Variants in ANKRD12 observed in about 807,000 individuals in gnomAD.
The protein encoded by ANKRD12 is ankyrin repeat domain 12.
ANKRD12 carries 85 observed loss-of-function variants against 183.4 expected under a neutral mutation model. The observed-to-expected ratio is 0.46, with a 90% confidence interval of 0.39 to 0.56. ANKRD12 has a LOEUF of 0.56. ANKRD12 is among the 20% of genes least tolerant of loss of function. The pLI is 0.00. For synonymous variants in ANKRD12, 914 were observed against 800.2 expected (o/e 1.14, Z -2.40); for missense variants, 2,405 against 2,357.1 (o/e 1.02, Z -0.42).
At chr18:9,155,702 A>T (rs544933108) in intron 1 of ANKRD12, among the ~76,000 whole-genome samples, 1 of 152,138 alleles carries the variant, frequency 6.6e-6, no homozygotes, top group Admixed American at 6.5e-5. Context: ...ATGAGTTTGC[A>T]TACTTCTGTA....
intron 8 of ANKRD12, among the ~76,000 whole-genome samples, chr18:9,242,659 C>G (rs547357412): frequency 6.6e-6 from 1 of 152,028 alleles, no homozygotes; most frequent in Non-Finnish European, 1.5e-5. Flanking sequence ...AGGAAAAATT[C>G]TTGATTGATT....
chr18:9,208,051 C>A (rs1046098829), intron 4 of ANKRD12, among the ~76,000 whole-genome samples: 1 of 152,184 alleles, frequency 6.6e-6, no homozygotes, highest in African/African-American at 2.4e-5. Flanking sequence ...TTTGCAAGAT[C>A]TGTTAACCCA....
At chr18:9,233,650 G>A (rs2037179335) in intron 8 of ANKRD12, among the ~76,000 whole-genome samples, 2 of 152,198 alleles carry the variant, frequency 1.3e-5, no homozygotes, top group South Asian at 4.1e-4. Context: ...GCGCGTGATA[G>A]TGCAGTGTAA....
chr18:9,194,323 A>G (rs1179379006), intron 2 of ANKRD12, among the ~76,000 whole-genome samples: 7 of 137,792 alleles, frequency 5.1e-5, no homozygotes, highest in Non-Finnish European at 1.1e-4. Flanking sequence ...ACTGATATAG[A>G]TAATTTTATT....
At position 9,254,595 on chromosome 18, in the gene ANKRD12, G is replaced by A. The variant is rs2145170260; in HGVS notation, c.1328G>A (p.Cys443Tyr). Reference sequence around the variant, plus strand: ...CAGAATAAAAAGATTTCTACTTCATGTTCCGTCATCCCTGAAACATCAAAT... The same window carrying A: ...CAGAATAAAAAGATTTCTACTTCATATTCCGTCATCCCTGAAACATCAAAT... ...ALQNKKISTSCSVIPETSNSD... is the reference protein window; with the variant it reads ...ALQNKKISTSYSVIPETSNSD... Residue 443 changes from cysteine (C) to tyrosine (Y), a missense_variant, in exon 9 of 13, where the codon TGT becomes TAT. Transcript: ENST00000262126. 3 of 1,582,408 alleles carry A rather than the reference G, an allele frequency of 1.9e-6. No homozygotes were observed. Among genetic ancestry groups the A allele is most frequent in the Middle Eastern group, 1.7e-4 (1 of 5,916 alleles).
At chr18:9,146,951 A>G (rs1320246320) in intron 1 of ANKRD12, among the ~76,000 whole-genome samples, 3 of 152,206 alleles carry the variant, frequency 2.0e-5, no homozygotes, top group Admixed American at 6.5e-5. Flanking sequence ...GACAATTTTA[A>G]TCTGTAATTT....
At chr18:9,208,182 A>G (rs936606525) in intron 4 of ANKRD12, among the ~76,000 whole-genome samples, 2 of 152,188 alleles carry the variant, frequency 1.3e-5, no homozygotes, top group African/African-American at 4.8e-5. Context: ...GTTCTGTGTG[A>G]TAAGACTTGT....
At chr18:9,278,264 G>A (rs925545556) in intron 11 of ANKRD12, among the ~76,000 whole-genome samples, 1 of 152,156 alleles carries the variant, frequency 6.6e-6, no homozygotes, top group African/African-American at 2.4e-5. Flanking sequence ...TTTCCTATGG[G>A]AGTAGCCTTG....
Position 9,173,625 on chromosome 18 carries a change from G to GC in ANKRD12, c.-51-8757_-51-8756insC, listed in dbSNP as rs1444038196. On this transcript the variant is annotated intron_variant, in intron 1 of 12. Transcript: ENST00000262126. ...CATCCCGGTGGGGTGGTGGGGGGGG[G>GC]GTAGGGGGGGCAGTACTGACCTGTT... Among the ~76,000 whole-genome samples, 12 of 147,484 alleles carry GC rather than the reference G, an allele frequency of 8.1e-5. No homozygotes were observed. The South Asian group carries it at 1.5e-3, about 19-fold the overall frequency.
At chr18:9,163,052 C>A (rs1378459749) in intron 1 of ANKRD12, among the ~76,000 whole-genome samples, 1 of 152,070 alleles carries the variant, frequency 6.6e-6, no homozygotes, top group African/African-American at 2.4e-5. Flanking sequence ...TTAATTAGAT[C>A]CCATTTGTCA....
intron 1 of ANKRD12, among the ~76,000 whole-genome samples, chr18:9,173,184 C>T (rs950449721): frequency 4.6e-5 from 7 of 151,948 alleles, no homozygotes; most frequent in Non-Finnish European, 1.0e-4. Context: ...ATTCTCATGC[C>T]TCAGCCTCCA....
intron 1 of ANKRD12, among the ~76,000 whole-genome samples, chr18:9,173,165 G>A (rs1302301955): frequency 1.3e-5 from 2 of 151,718 alleles, no homozygotes; most frequent in East Asian, 3.9e-4. Flanking sequence ...CGCCTCCCGG[G>A]TTCAAGCCAT....
At chr18:9,204,808 C>T (rs975208118) in intron 4 of ANKRD12, among the ~76,000 whole-genome samples, 2 of 152,174 alleles carry the variant, frequency 1.3e-5, no homozygotes, top group African/African-American at 4.8e-5. Context: ...GTGGGGAACA[C>T]CATTCACGCA....
intron 9 of ANKRD12, among the ~76,000 whole-genome samples, chr18:9,262,017 C>T (rs1459950156): frequency 6.6e-6 from 1 of 152,196 alleles, no homozygotes; most frequent in Admixed American, 6.5e-5. Flanking sequence ...TGAATTACTG[C>T]AATTAGAGGC....
chr18:9,227,684 A>G (rs1368307926), intron 8 of ANKRD12, among the ~76,000 whole-genome samples: 1 of 152,068 alleles, frequency 6.6e-6, no homozygotes, highest in Non-Finnish European at 1.5e-5. Context: ...CCCTTTTTTC[A>G]CTATATAATC....
At chr18:9,217,636 A>G (rs758228580) in intron 7 of ANKRD12, among the ~76,000 whole-genome samples, 2 of 152,188 alleles carry the variant, frequency 1.3e-5, no homozygotes, top group African/African-American at 4.8e-5. Context: ...AATGTAGCCT[A>G]TAATTTTTTA....
At chr18:9,260,087 AAAT>A (rs1246013313) in intron 9 of ANKRD12, 1 of 152,200 alleles carries the variant, frequency 6.6e-6, no homozygotes, top group African/African-American at 2.4e-5. Flanking sequence ...TTAGTTTGAA[AAAT>A]AATAAAGACC....
Position 9,256,004 on chromosome 18 carries a change from A to C in ANKRD12, c.2737A>C (p.Lys913Gln). Residue 913 changes from lysine to glutamine, a missense_variant, in exon 9 of 13, where the codon AAA becomes CAA. Physicochemically the swap from Lys to Gln is moderately conservative, Grantham distance 53 (BLOSUM62 1). Coordinates refer to ENST00000262126, the MANE Select transcript of ANKRD12 (RefSeq NM_015208.5). The part of the protein sequence containing the change: ...SREKMDRKHD[K>Q]EKPEKERHLA... ...AGAAAAGATGGATAGGAAACATGAC[A>C]AAGAAAAGCCTGAAAAAGAGAGGCA... 6.4e-7 allele frequency: 1 copy of C among 1,563,346 alleles called. No homozygotes were observed.
At chr18:9,238,412 C>T (rs1409144040) in intron 8 of ANKRD12, among the ~76,000 whole-genome samples, 3 of 152,154 alleles carry the variant, frequency 2.0e-5, no homozygotes, top group Non-Finnish European at 4.4e-5. Flanking sequence ...TTTGGCTGTT[C>T]TCTGAATATT....
Sources: gnomAD v4.1 joint callset for allele counts (sites outside exome capture counted in the v4.1 genomes callset) on GRCh38, gnomAD v4.1.1 for gene constraint, MANE v1.5 for transcripts, NCBI Gene and HGNC (gene_info 2026-07-23, HGNC 2026-07-21) for gene names.